B4GALT3: variants seen among roughly 807,000 people sequenced by gnomAD.
B4GALT3 encodes N-acetyllactosamine synthase.
B4GALT3 carries 29 observed loss-of-function variants against 40.7 expected under a neutral mutation model. That is an observed-to-expected ratio of 0.71 (90% confidence interval 0.53 to 0.97). The LOEUF (loss-of-function observed/expected upper bound fraction) is 0.97. Ranked by LOEUF, B4GALT3 falls within the 50% of genes least tolerant of loss-of-function variation. The pLI, the probability that B4GALT3 is intolerant of heterozygous loss-of-function variation, is 0.00. For synonymous variants in B4GALT3, 182 were observed against 203.9 expected, an observed-to-expected ratio of 0.89 and a Z score of 0.92; for missense variants, 390 against 522.3, an observed-to-expected ratio of 0.75 and a Z score of 2.47.
At chr1:161,174,746 C>T (rs965793047) in intron 4 of B4GALT3, among the ~76,000 whole-genome samples, 2 of 152,164 alleles carry the variant, frequency 1.3e-5, no homozygotes, top group African/African-American at 4.8e-5. Context: ...AATTCCAACT[C>T]TGCACAAGCC....
chr1:161,171,312 C>T lies in B4GALT3; in HGVS notation c.*504G>A, dbSNP rs945949428. 5.7e-6 allele frequency: 8 copies of T among 1,401,564 alleles called. No homozygotes were observed. Among genetic ancestry groups the T allele is most frequent in the East Asian group, 4.7e-5 (2 of 42,722 alleles). 86.8% of individuals were successfully genotyped at this position (1,401,564 alleles called of 1,614,324 possible). ...GGGATGCAGAAAGCAGGAGCAGATG[C>T]GAGACAAAGTCCTTTATTAGAAAAT... On this transcript the variant is annotated 3_prime_UTR_variant, in exon 8 of 8. Coordinates refer to ENST00000319769, the MANE Select transcript of B4GALT3 (RefSeq NM_003779.4).
intron 6 of B4GALT3, 97 bp from the exon 7 acceptor site, chr1:161,172,428 T>G: frequency 9.2e-7 from 1 of 1,081,420 alleles, no homozygotes; most frequent in East Asian, 2.6e-5. Flanking sequence ...AACTATTACT[T>G]AGTAGGCAAA....
chr1:161,176,712 G>A, intron 1 of B4GALT3, 133 bp from the exon 2 acceptor site: 2 of 677,090 alleles, frequency 3.0e-6, no homozygotes, highest in South Asian at 3.8e-5. Flanking sequence ...GAGATGGTAG[G>A]TCCCTCGCCT....
At chr1:161,177,220 G>A (rs186324339) in intron 1 of B4GALT3, 1 of 716,910 alleles carries the variant, frequency 1.4e-6, no homozygotes, top group South Asian at 1.9e-5. Flanking sequence ...CAGCTCTTTC[G>A]GAGCACGCCC....
chr1:161,173,650 T>A lies in B4GALT3; in HGVS notation c.758A>T (p.Asn253Ile). The A allele has an allele frequency of 1.9e-6, 3 of 1,614,090 alleles. No homozygotes were observed. Among genetic ancestry groups the A allele is most frequent in the Non-Finnish European group, 2.5e-6 (3 of 1,179,994 alleles). ...DQYLKMNGFP[N>I]EYWGWGGEDD... ...CTCACCACCCCAGCCCCAGTATTCA[T>A]TGGGGAAGCCATTCATCTTCAGGTA... is the stretch of plus-strand genomic sequence containing the variant. The change falls in exon 6 of 8, where the codon AAT becomes ATT. Residue 253 changes from asparagine to isoleucine, a missense_variant. Asn to Ile is a moderately radical substitution (Grantham distance 149, BLOSUM62 -3). This residue lies in a region of B4GALT3 where 135 missense variants were observed against 227.8 expected (regional missense o/e 0.59). Coordinates refer to ENST00000319769, the MANE Select transcript of B4GALT3 (RefSeq NM_003779.4).
Position 161,173,758 on chromosome 1 carries a change from A to G in B4GALT3, c.681-31T>C, listed in dbSNP as rs764654984. ...GAGAGAAAGATCCTTGCATACCCCG[A>G]GTCTTCTGGGGACACATCCCCAACC... is the stretch of plus-strand genomic sequence containing the variant. On this transcript the variant is annotated intron_variant, in intron 5 of 7. Transcript: ENST00000319769. 5.6e-5 allele frequency: 91 copies of G among 1,613,698 alleles called. 3 individuals are homozygous for G. The South Asian group carries it at 9.7e-4, about 17-fold the overall frequency.
At chr1:161,176,774 C>G (rs1429854014) in intron 1 of B4GALT3, 195 bp from the exon 2 acceptor site, 1 of 1,322,906 alleles carries the variant, frequency 7.6e-7, no homozygotes, top group Non-Finnish European at 1.0e-6. Flanking sequence ...CTTAACCACC[C>G]CCGTACCCCC....
chr1:161,172,715 C>A (rs1486311552), intron 6 of B4GALT3, among the ~76,000 whole-genome samples: 1 of 152,100 alleles, frequency 6.6e-6, no homozygotes, highest in Non-Finnish European at 1.5e-5. Flanking sequence ...CCCAGCTTCT[C>A]TCCCACATCC....
chr1:161,176,977 C>G, intron 1 of B4GALT3: 1 of 1,536,038 alleles, frequency 6.5e-7, no homozygotes, highest in East Asian at 2.4e-5. Context: ...TCCTCAGGTG[C>G]AGGGACCGTG....
At chr1:161,174,455 G>T in intron 4 of B4GALT3, among the ~76,000 whole-genome samples, 1 of 151,482 alleles carries the variant, frequency 6.6e-6, no homozygotes, top group East Asian at 1.9e-4. Flanking sequence ...GGAAATCAAA[G>T]TGGGGTGGAG....
In B4GALT3 at chr1:161,173,727, G is replaced by A; in HGVS notation, c.681C>T (p.Ser227=). ...VAVAMNKFGY[S]LPYPQYFGGV... ...CTCCGAAGTACTGGGGGTACGGGAGGCTAGGGAGAGAAAGATCCTTGCATA... is the reference window on the plus strand; with the variant it reads ...CTCCGAAGTACTGGGGGTACGGGAGACTAGGGAGAGAAAGATCCTTGCATA... The change falls in exon 6 of 8, where the codon AGC becomes AGT. Residue 227 remains serine, a splice_region_variant and synonymous_variant. Coordinates refer to ENST00000319769, the MANE Select transcript of B4GALT3 (RefSeq NM_003779.4). 2 of 1,614,110 alleles carry A rather than the reference G, an allele frequency of 1.2e-6. No homozygotes were observed. Among genetic ancestry groups the A allele is most frequent in the Non-Finnish European group, 8.5e-7 (1 of 1,180,008 alleles).
At chr1:161,177,366 C>T in intron 1 of B4GALT3, 57 bp downstream of exon 1, 1 of 412,472 alleles carries the variant, frequency 2.4e-6, no homozygotes, top group South Asian at 2.9e-5. Context: ...CTCACTCTCT[C>T]GAATGCCCAA....
chr1:161,175,148 C>A lies in B4GALT3; in HGVS notation c.334G>T (p.Gly112Cys). ...TCACAACCTGCAGGGCGGTACCGGC[C>A]CCCTGGTTCTACCCGGGGATTCCGC... ...VERNPRVEPGGRYRPAGCEPR... is the reference protein window; with the variant it reads ...VERNPRVEPGCRYRPAGCEPR... Residue 112 changes from glycine to cysteine, a missense_variant, in exon 4 of 8, where the codon GGC becomes TGC. By Grantham distance (159) the Gly-to-Cys change is radical. Around this residue, in one of 3 missense-constraint regions of B4GALT3, gnomAD observed 183 missense variants for 223.2 expected, o/e 0.82. Transcript: ENST00000319769. The A allele has an allele frequency of 6.2e-7, 1 of 1,613,894 alleles. No homozygotes were observed. Among genetic ancestry groups the A allele is most frequent in the Non-Finnish European group, 8.5e-7 (1 of 1,179,896 alleles).
chr1:161,173,781 A>C, intron 5 of B4GALT3, 54 bp from the exon 6 acceptor site: 2 of 1,611,990 alleles, frequency 1.2e-6, no homozygotes, highest in South Asian at 2.2e-5. Context: ...CACATCCCCA[A>C]CCACAATCCG....
intron 1 of B4GALT3, 157 bp downstream of exon 1, chr1:161,177,266 T>G: frequency 1.7e-6 from 1 of 605,160 alleles, no homozygotes; most frequent in Non-Finnish European, 2.9e-6. Flanking sequence ...CCCTACCTAC[T>G]AGCAACGTGA....
intron 4 of B4GALT3, among the ~76,000 whole-genome samples, 159 bp from the exon 5 acceptor site, chr1:161,174,208 C>A (rs1218666894): frequency 6.6e-6 from 1 of 152,100 alleles, no homozygotes; most frequent in Non-Finnish European, 1.5e-5. Flanking sequence ...GAGATTGAGA[C>A]CACCCTGGCT....
Position 161,176,047 on chromosome 1 carries a change from A to T in B4GALT3, c.14T>A (p.Leu5Gln). The T allele has an allele frequency of 6.2e-7, 1 of 1,614,124 alleles. No individual in the cohort carries two copies. Among genetic ancestry groups the T allele is most frequent in the Middle Eastern group, 1.7e-4 (1 of 6,060 alleles). Reference protein sequence around the residue: MLRRLLERPCTLALL... With the variant: MLRRQLERPCTLALL... ...GGCCAGCGTGCAAGGCCGCTCCAGC[A>T]GCCTCCGCAACATCCTGGGGGTGAG... The change falls in exon 3 of 8, where the codon CTG becomes CAG. Residue 5 changes from leucine to glutamine, a missense_variant. Leu to Gln is a moderately radical substitution (Grantham distance 113). Around this residue, in one of 3 missense-constraint regions of B4GALT3, gnomAD observed 183 missense variants for 223.2 expected, o/e 0.82. Transcript: ENST00000319769.
At position 161,171,756 on chromosome 1, in the gene B4GALT3, G is replaced by T. The variant is rs1185957027; in HGVS notation, c.*60C>A. On this transcript the variant is annotated 3_prime_UTR_variant, in exon 8 of 8. Coordinates refer to ENST00000319769, the MANE Select transcript of B4GALT3 (RefSeq NM_003779.4). Reference sequence around the variant, plus strand: ...CTCTGAGAACAGTGAGGAGCTGAGGGTGGGGAGAATACAACCCCATGAATT... The same window carrying T: ...CTCTGAGAACAGTGAGGAGCTGAGGTTGGGGAGAATACAACCCCATGAATT... 1 of 1,580,824 alleles carries T rather than the reference G, an allele frequency of 6.3e-7. No individual in the cohort carries two copies. Among genetic ancestry groups the T allele is most frequent in the Non-Finnish European group, 8.6e-7 (1 of 1,156,726 alleles).
In B4GALT3 at chr1:161,174,323, C is replaced by G. The variant is rs553625149; in HGVS notation, c.490-274G>C. On this transcript the variant is annotated intron_variant, in intron 4 of 7. Coordinates refer to ENST00000319769, the MANE Select transcript of B4GALT3 (RefSeq NM_003779.4). ...TCAGGAGGCTGAGGCAGGAGAATGG[C>G]GTAAAACCCGGGAGGTGGAGCTTGC... Among the ~76,000 whole-genome samples, 14 of 150,116 alleles carry G rather than the reference C, an allele frequency of 9.3e-5. No individual in the cohort carries two copies. The East Asian group carries it at 2.2e-3, about 23-fold the overall frequency.
Sources: allele counts gnomAD v4.1 joint callset (sites outside exome capture counted in the v4.1 genomes callset), GRCh38; gene constraint gnomAD v4.1.1; regional missense constraint gnomAD v4.1.1; transcripts MANE v1.5; gene names NCBI Gene and HGNC (gene_info 2026-07-23, HGNC 2026-07-21).